Variants in HOXC6 observed in about 807,000 individuals in gnomAD.
HOXC6 encodes homeobox C6, also known as homeobox protein Hox-C6.
A neutral mutation model predicts 24.0 loss-of-function variants in HOXC6; 10 were observed. That is an observed-to-expected ratio of 0.42 (90% CI 0.26 to 0.71). The LOEUF (loss-of-function observed/expected upper bound fraction) is 0.71. Ranked by LOEUF, HOXC6 falls within the 30% of genes least tolerant of loss-of-function variation. HOXC6 has a pLI of 0.28. For missense variants in HOXC6, 258 were observed against 303.4 expected (o/e 0.85, Z 1.11); for synonymous variants, 123 against 128.1 (o/e 0.96, Z 0.27).
At chr12:54,026,500 T>C (rs1273570607), upstream of HOXC6, among the ~76,000 whole-genome samples, 1 of 152,194 alleles carries the variant, frequency 6.6e-6, no homozygotes, top group East Asian at 1.9e-4. Flanking sequence ...CTCTACCCTT[T>C]CCCCTTCATT....
intron 1 of HOXC6, among the ~76,000 whole-genome samples, chr12:54,017,892 C>T (rs1342439493): frequency 2.0e-5 from 3 of 152,324 alleles, no homozygotes; most frequent in African/African-American, 7.2e-5. Context: ...CCAGCTTCCC[C>T]TCCCTGTCTG....
chr12:54,024,166 A>C (rs1315764786), upstream of HOXC6, among the ~76,000 whole-genome samples: 1 of 152,208 alleles, frequency 6.6e-6, no homozygotes, highest in East Asian at 1.9e-4. Context: ...GAGGGATTTT[A>C]GCCCTCGCCC....
At chr12:54,020,182 T>G (rs560532701) in intron 1 of HOXC6, 1 of 152,348 alleles carries the variant, frequency 6.6e-6, no homozygotes, top group Non-Finnish European at 1.5e-5. Context: ...AGCCCTTCTG[T>G]GATTATCTAA....
rs914953333 is a variant in HOXC6 at position 54,017,978 on chromosome 12, G to A, written c.-193+564G>A. On this transcript the variant is annotated intron_variant, in intron 1 of 2. Transcript: ENST00000394331. The stretch of plus-strand genomic sequence containing the variant: ...AGTGTGGGCCCAGGGCCGGGCCGCC[G>A]AGCAGGAAGCCGGCGCAGCTAGGCG... Among the ~76,000 whole-genome samples the A allele has an allele frequency of 5.3e-5, 8 of 152,316 alleles. 1 individual carries two copies. Among genetic ancestry groups the A allele is most frequent in the South Asian group, 4.1e-4 (2 of 4,826 alleles).
In HOXC6 at chr12:54,028,650, C is replaced by T. The variant is rs763969646; in HGVS notation, c.129C>T (p.Ala43=). 1.2e-6 allele frequency: 2 copies of T among 1,613,944 alleles called. No individual in the cohort carries two copies. The highest frequency in any genetic ancestry group is 1.3e-5 in the African/African-American group (1 of 74,862). ...GGCATTTCTCGACCTATGGAGCGGCCGTTGCCCAGAACCGGATCTACTCGA... is the reference window on the plus strand; with the variant it reads ...GGCATTTCTCGACCTATGGAGCGGCTGTTGCCCAGAACCGGATCTACTCGA... ...PVRHFSTYGA[A]VAQNRIYSTP... The change falls in exon 1 of 2, where the codon GCC becomes GCT. Residue 43 remains alanine, a synonymous_variant. Transcript: ENST00000243108.
chr12:54,025,067 G>A (rs1468136428), upstream of HOXC6, among the ~76,000 whole-genome samples: 1 of 152,186 alleles, frequency 6.6e-6, no homozygotes, highest in Non-Finnish European at 1.5e-5. Context: ...TAAGGGGCCA[G>A]AGCAGTAGCA....
chr12:54,017,921 G>C (rs1335336357), intron 1 of HOXC6, among the ~76,000 whole-genome samples: 1 of 151,986 alleles, frequency 6.6e-6, no homozygotes, highest in Non-Finnish European at 1.5e-5. Flanking sequence ...CTCCCTCCCA[G>C]AGAGCGCGAC....
Position 54,029,884 on chromosome 12 carries a change from C to T in HOXC6, c.630C>T (p.Gly210=). ...TCACATCCACTCTCTCGGGGGGCGG[C>T]GGAGGGGCCACCGCCGACAGCCTGG... ...SNLTSTLSGG[G]GGATADSLGG... Residue 210 remains glycine (G), a synonymous_variant, in exon 2 of 2, where the codon GGC becomes GGT. Transcript: ENST00000243108. The T allele has an allele frequency of 6.2e-7, 1 of 1,610,382 alleles. No individual in the cohort carries two copies. Among genetic ancestry groups the T allele is most frequent in the Non-Finnish European group, 8.5e-7 (1 of 1,178,140 alleles).
At chr12:54,019,527 C>T (rs1940332972) in intron 1 of HOXC6, among the ~76,000 whole-genome samples, 1 of 152,166 alleles carries the variant, frequency 6.6e-6, no homozygotes, top group Non-Finnish European at 1.5e-5. Flanking sequence ...TCTCTTTCGC[C>T]TGCATTTTGT....
At chr12:54,029,554 C>G in intron 1 of HOXC6, 101 bp from the exon 2 acceptor site, 2 of 1,263,112 alleles carry the variant, frequency 1.6e-6, no homozygotes, top group Non-Finnish European at 2.2e-6. Context: ...AGGCTGTGAG[C>G]TGCTGGCCAG....
Position 54,028,748 on chromosome 12 carries a change from C to T in HOXC6, c.227C>T (p.Ser76Phe). ...SRGPYDYGSN[S>F]FYQEKDMLSN... is the part of the protein sequence containing the mutation. Reference sequence around the variant, plus strand: ...GGGCCGTATGACTATGGATCTAATTCCTTTTACCAGGAGAAAGACATGCTC... The same window carrying T: ...GGGCCGTATGACTATGGATCTAATTTCTTTTACCAGGAGAAAGACATGCTC... The change falls in exon 1 of 2, where the codon TCC (serine) becomes TTC (phenylalanine). Residue 76 changes from serine (S) to phenylalanine (F), a missense_variant. Physicochemically the swap from Ser to Phe is radical, Grantham distance 155. Coordinates refer to ENST00000243108, the MANE Select transcript of HOXC6 (RefSeq NM_004503.4). 1 of 1,614,102 alleles carries T rather than the reference C, an allele frequency of 6.2e-7. No individual in the cohort carries two copies. Among genetic ancestry groups the T allele is most frequent in the Non-Finnish European group, 8.5e-7 (1 of 1,180,002 alleles).
intron 1 of HOXC6, 53 bp from the exon 2 acceptor site, chr12:54,029,602 G>T: frequency 6.4e-7 from 1 of 1,566,786 alleles, no homozygotes; most frequent in East Asian, 2.2e-5. Context: ...GAAACAGTCT[G>T]CAGAGGACGC....
upstream of HOXC6, among the ~76,000 whole-genome samples, chr12:54,026,964 TGGG>T (rs71068201): frequency 8.2e-3 from 1,046 of 127,340 alleles, 13 homozygotes; most frequent in African/African-American, 0.026. Context: ...CCAAAAATGG[TGGG>T]GGGGGGGGGA....
chr12:54,030,472 C>T lies in HOXC6; in HGVS notation c.*510C>T, dbSNP rs1249077. On this transcript the variant is annotated 3_prime_UTR_variant, in exon 2 of 2. Transcript: ENST00000243108. ...GGCCTCCCCGCAGTCCCTGCCTAGC[C>T]CCTCTGCCCCAGCAAATGCCCAGCC... is the stretch of plus-strand genomic sequence containing the variant. The T allele has an allele frequency of 0.11, 16,110 of 152,982 alleles. 1,169 individuals carry two copies. The highest frequency in any genetic ancestry group is 0.17 in the Non-Finnish European group (11,259 of 68,202). 9.5% of individuals were successfully genotyped at this position (152,982 alleles called of 1,614,324 possible). A position where few individuals can be genotyped will look rare whatever the true frequency, so the allele number is the denominator to read the frequency against.
At chr12:54,023,166 G>C (rs1193948582) in intron 1 of HOXC6, among the ~76,000 whole-genome samples, 2 of 152,202 alleles carry the variant, frequency 1.3e-5, no homozygotes, top group Non-Finnish European at 2.9e-5. Context: ...GCTTGGAATA[G>C]AGGTGGGAGG....
chr12:54,023,406 T>C (rs781435398), intron 1 of HOXC6, among the ~76,000 whole-genome samples: 3 of 152,172 alleles, frequency 2.0e-5, no homozygotes, highest in Admixed American at 2.0e-4. Flanking sequence ...GGCAGAAATC[T>C]GGAAAGAGAG....
At chr12:54,021,582 T>C (rs1048299332) in intron 1 of HOXC6, 1 of 152,236 alleles carries the variant, frequency 6.6e-6, no homozygotes. Context: ...CTACTCTCTC[T>C]AGGTGATCGG....
At chr12:54,024,266 G>T (rs1265112926), upstream of HOXC6, among the ~76,000 whole-genome samples, 6 of 152,188 alleles carry the variant, frequency 3.9e-5, no homozygotes, top group Non-Finnish European at 8.8e-5. Context: ...TCGGGCAGCT[G>T]CGGTCGCGTC....
upstream of HOXC6, among the ~76,000 whole-genome samples, chr12:54,027,691 A>G (rs371507600): frequency 7.2e-5 from 11 of 152,158 alleles, no homozygotes; most frequent in South Asian, 2.3e-3. Context: ...AGTTTTCCCA[A>G]CAGAGGGGTC....
Sources: allele counts gnomAD v4.1 joint callset (sites outside exome capture counted in the v4.1 genomes callset), GRCh38; gene constraint gnomAD v4.1.1; transcripts MANE v1.5; gene names NCBI Gene and HGNC (gene_info 2026-07-23, HGNC 2026-07-21).